RHOBTB2: variants seen among roughly 807,000 people sequenced by gnomAD.
The protein encoded by RHOBTB2 is Rho related BTB domain containing 2, also known as rho-related BTB domain-containing protein 2.
In RHOBTB2, 39 loss-of-function variants were observed where a neutral mutation model predicts 66.5. The observed-to-expected ratio is 0.59, with a 90% CI of 0.45 to 0.77. The LOEUF (loss-of-function observed/expected upper bound fraction) is 0.77, where lower values mean the gene tolerates loss of function less well. Ranked by LOEUF, RHOBTB2 falls within the 30% of genes least tolerant of loss-of-function variation. RHOBTB2 has a pLI of 0.00. For missense variants in RHOBTB2, 755 were observed against 999.1 expected (o/e 0.76, Z 3.29); for synonymous variants, 390 against 395.0 (o/e 0.99, Z 0.15).
the RHOBTB2 span, among the ~76,000 whole-genome samples, chr8:22,964,865 G>A: frequency 6.6e-6 from 1 of 151,332 alleles, no homozygotes; most frequent in South Asian, 2.1e-4. Flanking sequence ...CACCCAGGCT[G>A]GAGTGCAATG....
the RHOBTB2 span, among the ~76,000 whole-genome samples, chr8:22,975,276 C>T: frequency 3.9e-5 from 6 of 152,144 alleles, no homozygotes; most frequent in Non-Finnish European, 7.4e-5. Context: ...AGGGGTGGAA[C>T]GGGGTCTTCT....
chr8:22,960,001 T>TAAA, the RHOBTB2 span, among the ~76,000 whole-genome samples: 1,102 of 104,740 alleles, frequency 0.011, 32 homozygotes, highest in African/African-American at 0.036. Flanking sequence ...CCATCTCTAC[T>TAAA]AAAAAAAAAA....
Position 23,004,044 on chromosome 8 carries a change from A to C in RHOBTB2, c.-10-381A>C. 1 of 310,434 alleles carries C rather than the reference A, an allele frequency of 3.2e-6. No individual in the cohort carries two copies. The highest frequency in any genetic ancestry group is 6.3e-6 in the Non-Finnish European group (1 of 158,648). 19.2% of individuals were successfully genotyped at this position (310,434 alleles called of 1,614,324 possible). A position where few individuals can be genotyped will look rare whatever the true frequency, so the allele number is the denominator to read the frequency against. On this transcript the variant is annotated intron_variant, in intron 1 of 9. Transcript: ENST00000251822. The surrounding 1 kb of genome is among the most constrained non-coding windows in gnomAD (Gnocchi z 6.4). ...CTCAGCTGTTTGTTGTTCTGCTGCC[A>C]CTGCTCTGCCGGGGAAGGAGGAGGA...
At chr8:22,953,185 T>G in the RHOBTB2 span, among the ~76,000 whole-genome samples, 1 of 152,160 alleles carries the variant, frequency 6.6e-6, no homozygotes, top group Non-Finnish European at 1.5e-5. Flanking sequence ...CCTTACCAAT[T>G]GAGTGTTCCT....
chr8:22,979,035 T>A, the RHOBTB2 span, among the ~76,000 whole-genome samples: 2 of 152,242 alleles, frequency 1.3e-5, no homozygotes, highest in Admixed American at 1.3e-4. Context: ...CATACCAAGT[T>A]GCAACTTTGT....
At chr8:23,012,906 C>T (rs1185851523) in intron 7 of RHOBTB2, among the ~76,000 whole-genome samples, 6 of 152,126 alleles carry the variant, frequency 3.9e-5, no homozygotes, top group South Asian at 2.1e-4. Flanking sequence ...TGGGTTCAAG[C>T]GATTCTCCTG....
upstream of RHOBTB2, chr8:22,995,909 G>A (rs755469192): frequency 1.5e-5 from 23 of 1,549,746 alleles, no homozygotes; most frequent in Admixed American, 4.1e-4. Flanking sequence ...GTGTTGAAGG[G>A]TAAAGCTGCC....
At chr8:22,953,571 G>A in the RHOBTB2 span, among the ~76,000 whole-genome samples, 1 of 152,210 alleles carries the variant, frequency 6.6e-6, no homozygotes, top group African/African-American at 2.4e-5. Flanking sequence ...ATATCTCTCA[G>A]TGTAGGGCCC....
At chr8:22,969,587 T>C in the RHOBTB2 span, among the ~76,000 whole-genome samples, 2 of 152,198 alleles carry the variant, frequency 1.3e-5, no homozygotes, top group Admixed American at 6.5e-5. Context: ...TTTTGATACA[T>C]AATGCCTATC....
chr8:23,007,321 C>G lies in RHOBTB2; in HGVS notation c.1076C>G (p.Pro359Arg). ...GTGGATGAGGCTGGGGGCTCCGGTC[C>G]TGCTGGCCTCCGTGCTTCCACCAGC... is the stretch of plus-strand genomic sequence containing the variant. ...ESVDEAGGSG[P>R]AGLRASTSDG... Residue 359 changes from proline (P) to arginine (R), a missense_variant, in exon 5 of 10, where the codon CCT (proline) becomes CGT (arginine). Transcript: ENST00000251822. 6.2e-7 allele frequency: 1 copy of G among 1,613,728 alleles called. No individual in the cohort carries two copies. Among genetic ancestry groups the G allele is most frequent in the Non-Finnish European group, 8.5e-7 (1 of 1,179,844 alleles).
chr8:23,014,882 C>T, intron 8 of RHOBTB2, 104 bp downstream of exon 8: 1 of 900,476 alleles, frequency 1.1e-6, no homozygotes, highest in Non-Finnish European at 1.8e-6. Flanking sequence ...GCGGGAGAAC[C>T]TGTCATCGGA....
chr8:23,003,055 G>C (rs1810832592), intron 1 of RHOBTB2, among the ~76,000 whole-genome samples: 1 of 152,226 alleles, frequency 6.6e-6, no homozygotes, highest in Admixed American at 6.5e-5. Flanking sequence ...TGCCTGGGCA[G>C]CCTCCAGCAC....
At chr8:22,968,909 ACT>A in the RHOBTB2 span, among the ~76,000 whole-genome samples, 15 of 152,052 alleles carry the variant, frequency 9.9e-5, no homozygotes, top group Admixed American at 2.0e-4. Context: ...AAAAAAAGAC[ACT>A]CTAAACAAAA....
the RHOBTB2 span, among the ~76,000 whole-genome samples, chr8:22,954,794 A>G: frequency 1.3e-5 from 2 of 152,244 alleles, no homozygotes; most frequent in African/African-American, 4.8e-5. Flanking sequence ...CAAGGAAACC[A>G]TAGATTTGAC....
In RHOBTB2 at chr8:23,020,010, G is replaced by C. The variant is rs1367768020; in HGVS notation, c.*2541G>C. 5.0e-5 allele frequency: 16 copies of C among 322,412 alleles called. No individual in the cohort carries two copies. The East Asian group carries it at 1.2e-3, about 24-fold the overall frequency. 20.0% of individuals were successfully genotyped at this position (322,412 alleles called of 1,614,324 possible). On this transcript the variant is annotated 3_prime_UTR_variant, in exon 10 of 10. Transcript: ENST00000251822. ...GAAACACCCCCAGGAGGCCAAGCCTGAAAACAGAGGGGAGGGAGGAAGGAA... is the reference window on the plus strand; with the variant it reads ...GAAACACCCCCAGGAGGCCAAGCCTCAAAACAGAGGGGAGGGAGGAAGGAA...
intron 1 of RHOBTB2, among the ~76,000 whole-genome samples, chr8:23,002,915 T>A (rs1432533778): frequency 1.3e-5 from 2 of 152,218 alleles, no homozygotes. Context: ...CGGATCCCAG[T>A]TGCTATCGTT....
chr8:23,009,694 G>T (rs1277783680), intron 6 of RHOBTB2, among the ~76,000 whole-genome samples: 2 of 152,210 alleles, frequency 1.3e-5, no homozygotes, highest in East Asian at 3.9e-4. Flanking sequence ...TGTGGAATGT[G>T]CATTTTCTAA....
chr8:22,988,404 C>T (rs185637808), intron 1 of RHOBTB2, among the ~76,000 whole-genome samples: 39 of 152,014 alleles, frequency 2.6e-4, no homozygotes, highest in Admixed American at 1.1e-3. Flanking sequence ...TCAAGTGACC[C>T]GCCCACCTCG....
Position 23,007,394 on chromosome 8 carries a change from T to C in RHOBTB2, c.1149T>C (p.Gly383=). The part of the protein sequence containing the change: ...GNGTGYLPGR[G]RVLSSWSRAF... Reference sequence around the variant, plus strand: ...GAACAGGGTACCTACCGGGCAGGGGTCGTGTGCTGTCTTCCTGGAGCCGAG... The same window carrying C: ...GAACAGGGTACCTACCGGGCAGGGGCCGTGTGCTGTCTTCCTGGAGCCGAG... The change falls in exon 5 of 10, where the codon GGT becomes GGC. Residue 383 remains glycine (G), a synonymous_variant. Coordinates refer to ENST00000251822, the MANE Select transcript of RHOBTB2 (RefSeq NM_015178.3). The C allele has an allele frequency of 1.2e-6, 2 of 1,613,658 alleles. No homozygotes were observed. Among genetic ancestry groups the C allele is most frequent in the Non-Finnish European group, 1.7e-6 (2 of 1,179,926 alleles).
Sources: gnomAD v4.1 joint callset for allele counts (sites outside exome capture counted in the v4.1 genomes callset) on GRCh38, gnomAD v4.1.1 for gene constraint, Gnocchi (gnomAD v3.1) non-coding constraint, MANE v1.5 for transcripts, NCBI Gene and HGNC (gene_info 2026-07-23, HGNC 2026-07-21) for gene names.